The following SLC44A5 variants were observed in gnomAD, a reference collection of about 807,000 sequenced individuals.
The protein encoded by SLC44A5 is choline transporter-like protein 5.
In SLC44A5, 57 loss-of-function variants were observed where a neutral mutation model predicts 101.8. That is an observed-to-expected ratio of 0.56 (90% confidence interval 0.45 to 0.70). The LOEUF (loss-of-function observed/expected upper bound fraction) is 0.70, where lower values mean the gene tolerates loss of function less well. Ranked by LOEUF, SLC44A5 falls within the 30% of genes least tolerant of loss-of-function variation. The probability of loss-of-function intolerance (pLI) is 0.00; values close to 1 mark genes in which losing one functional copy is unlikely to be tolerated. For synonymous variants in SLC44A5, 281 were observed against 290.9 expected, an observed-to-expected ratio of 0.97 and a Z score of 0.35; for missense variants, 737 against 853.1, an observed-to-expected ratio of 0.86 and a Z score of 1.70.
chr1:75,464,235 A>G (rs1452237954), intron 2 of SLC44A5, among the ~76,000 whole-genome samples: 3 of 151,190 alleles, frequency 2.0e-5, no homozygotes, highest in African/African-American at 7.3e-5. Flanking sequence ...AAAAAAAAAA[A>G]AAAAAAAAGC....
At chr1:75,276,792 T>C (rs1004456207) in intron 5 of SLC44A5, among the ~76,000 whole-genome samples, 1 of 152,084 alleles carries the variant, frequency 6.6e-6, no homozygotes, top group Non-Finnish European at 1.5e-5. Flanking sequence ...ATAAGGGAGA[T>C]GAGACGGAAG....
chr1:75,594,434 T>C (rs1674525069), intron 1 of SLC44A5, among the ~76,000 whole-genome samples: 1 of 152,050 alleles, frequency 6.6e-6, no homozygotes, highest in Non-Finnish European at 1.5e-5. Context: ...TTTTGTATTA[T>C]ATTATCTGAC....
the SLC44A5 span, among the ~76,000 whole-genome samples, chr1:75,695,251 C>T: frequency 6.6e-6 from 1 of 152,188 alleles, no homozygotes; most frequent in East Asian, 1.9e-4. Context: ...AAACTAGTTC[C>T]TGTTGACTTT....
At chr1:75,569,973 T>C (rs567213206) in intron 1 of SLC44A5, among the ~76,000 whole-genome samples, 2 of 152,332 alleles carry the variant, frequency 1.3e-5, no homozygotes, top group Admixed American at 1.3e-4. Flanking sequence ...CACCTGGTGC[T>C]TAATTCAGCT....
the SLC44A5 span, among the ~76,000 whole-genome samples, chr1:75,668,904 A>T: frequency 6.6e-6 from 1 of 151,378 alleles, no homozygotes; most frequent in Non-Finnish European, 1.5e-5. Flanking sequence ...CTGGGGCAGG[A>T]GAATCACTAG....
intron 5 of SLC44A5, among the ~76,000 whole-genome samples, chr1:75,291,495 G>T (rs770955286): frequency 4.6e-5 from 7 of 152,120 alleles, no homozygotes; most frequent in Non-Finnish European, 1.0e-4. Context: ...TCTGACACGT[G>T]CTACAAAGGA....
chr1:75,517,944 T>C (rs1007592088), intron 2 of SLC44A5, among the ~76,000 whole-genome samples: 2 of 152,198 alleles, frequency 1.3e-5, no homozygotes, highest in African/African-American at 2.4e-5. Context: ...CTCTGAGATT[T>C]CCCAAATGTC....
chr1:75,486,607 A>G (rs1212264487), intron 2 of SLC44A5, among the ~76,000 whole-genome samples: 1 of 152,244 alleles, frequency 6.6e-6, no homozygotes, highest in Non-Finnish European at 1.5e-5. Flanking sequence ...CTGTTAAAAA[A>G]ACTTTATTTT....
chr1:75,578,135 TA>T (rs796620873), intron 1 of SLC44A5, among the ~76,000 whole-genome samples: 7 of 152,180 alleles, frequency 4.6e-5, no homozygotes, highest in African/African-American at 1.7e-4. Flanking sequence ...AAACAATCCA[TA>T]AATACAGTTT....
chr1:75,218,832 C>T (rs1570385176), intron 16 of SLC44A5, 80 bp from the exon 17 acceptor site: 1 of 1,361,404 alleles, frequency 7.3e-7, no homozygotes, highest in Admixed American at 2.1e-5. Context: ...TTCCTCTTCC[C>T]CTTAATTGCA....
chr1:75,230,545 G>C (rs990341490), intron 12 of SLC44A5, among the ~76,000 whole-genome samples: 3 of 152,032 alleles, frequency 2.0e-5, no homozygotes, highest in Non-Finnish European at 2.9e-5. Context: ...CACTGTACCT[G>C]GCTGTGATTC....
chr1:75,496,610 C>CAAA (rs113836655), intron 2 of SLC44A5, among the ~76,000 whole-genome samples: 9 of 129,590 alleles, frequency 6.9e-5, no homozygotes, highest in African/African-American at 2.2e-4. Context: ...ACAACAACAA[C>CAAA]AAAAAAAAAA....
At chr1:75,228,141 A>C (rs986256152) in intron 12 of SLC44A5, among the ~76,000 whole-genome samples, 4 of 152,180 alleles carry the variant, frequency 2.6e-5, no homozygotes, top group African/African-American at 9.6e-5. Context: ...GTAAGACATC[A>C]TGATATATTT....
chr1:75,614,524 C>A (rs1017216578), upstream of SLC44A5, among the ~76,000 whole-genome samples: 2 of 152,176 alleles, frequency 1.3e-5, no homozygotes, highest in African/African-American at 4.8e-5. Flanking sequence ...AGCTGACGCG[C>A]CAAGATAAAG....
At chr1:75,334,465 A>T (rs1472969513) in intron 4 of SLC44A5, among the ~76,000 whole-genome samples, 2 of 152,188 alleles carry the variant, frequency 1.3e-5, no homozygotes, top group Non-Finnish European at 2.9e-5. Context: ...GTCCTGGGAA[A>T]GCAGAGTTCT....
chr1:75,510,549 T>C (rs144864650), intron 2 of SLC44A5, among the ~76,000 whole-genome samples: 285 of 152,268 alleles, frequency 1.9e-3, no homozygotes, highest in African/African-American at 6.2e-3. Flanking sequence ...AATATGAATA[T>C]CGCATTCCTG....
intron 1 of SLC44A5, among the ~76,000 whole-genome samples, chr1:75,580,626 A>G (rs1673630564): frequency 6.6e-6 from 1 of 152,042 alleles, no homozygotes; most frequent in Non-Finnish European, 1.5e-5. Flanking sequence ...ATCACTTGAG[A>G]CCAGGAGTTC....
rs187715741 is a variant in SLC44A5, at chr1:75,388,607, T to C, written c.52+7976A>G. ...CATCCTGGCTAACGTGGTGAAACCC[T>C]GTCTCTACTAATAATACAAAAATTA... On this transcript the variant is annotated intron_variant, in intron 3 of 23. Coordinates refer to ENST00000370859, the MANE Select transcript of SLC44A5 (RefSeq NM_001130058.2). Among the ~76,000 whole-genome samples, 670 of 152,008 alleles carry C rather than the reference T, an allele frequency of 4.4e-3. 6 individuals carry two copies. The highest frequency in any genetic ancestry group is 0.016 in the African/African-American group (650 of 41,488).
chr1:75,280,571 A>G (rs1417545800), intron 5 of SLC44A5, among the ~76,000 whole-genome samples: 2 of 146,036 alleles, frequency 1.4e-5, no homozygotes, highest in Non-Finnish European at 3.0e-5. Flanking sequence ...TCCATATGAT[A>G]TGGTCTGGCC....
Sources: allele counts gnomAD v4.1 joint callset (sites outside exome capture counted in the v4.1 genomes callset), GRCh38; gene constraint gnomAD v4.1.1; transcripts MANE v1.5; gene names NCBI Gene and HGNC (gene_info 2026-07-23, HGNC 2026-07-21).